Variants in BCAP29 observed in about 807,000 individuals in gnomAD.
BCAP29 encodes B-cell receptor-associated protein 29.
In BCAP29, 34 loss-of-function variants were observed where a neutral mutation model predicts 31.8. The observed-to-expected ratio is 1.07, with a 90% confidence interval of 0.81 to 1.42. The LOEUF (loss-of-function observed/expected upper bound fraction) is 1.42, where lower values mean the gene tolerates loss of function less well. BCAP29 is among the 40% of genes most tolerant of loss of function. BCAP29 has a pLI of 0.00. For missense variants in BCAP29, 314 were observed against 269.2 expected, an observed-to-expected ratio of 1.17 and a Z score of -1.16; for synonymous variants, 104 against 91.3, an observed-to-expected ratio of 1.14 and a Z score of -0.79.
intron 5 of BCAP29, among the ~76,000 whole-genome samples, chr7:107,599,220 T>C (rs1585133051): frequency 6.5e-5 from 1 of 15,408 alleles, no homozygotes; most frequent in Non-Finnish European, 1.2e-4. Flanking sequence ...AATATATATA[T>C]ACATAATTAT....
chr7:107,619,577 T>G lies in BCAP29; in HGVS notation c.*1214T>G, dbSNP rs1814729934. On this transcript the variant is annotated 3_prime_UTR_variant, in exon 8 of 8. Coordinates refer to ENST00000005259, the MANE Select transcript of BCAP29 (RefSeq NM_018844.4). ...TGAGCAAGTACCTAAAAATTTTATT[T>G]CAGATAAAAGTCAGGAGTTACTGCT... is the stretch of plus-strand genomic sequence containing the variant. The G allele has an allele frequency of 6.6e-6, 1 of 152,130 alleles. No homozygotes were observed. Among genetic ancestry groups the G allele is most frequent in the African/African-American group, 2.4e-5 (1 of 41,428 alleles). 9.4% of individuals were successfully genotyped at this position (152,130 alleles called of 1,614,324 possible).
At chr7:107,600,999 AT>A (rs1178850745) in intron 6 of BCAP29, among the ~76,000 whole-genome samples, 1 of 152,208 alleles carries the variant, frequency 6.6e-6, no homozygotes, top group Non-Finnish European at 1.5e-5. Flanking sequence ...TCAGCTAAGA[AT>A]TTGAGTGCCT....
At chr7:107,586,914 G>A (rs10257321) in intron 3 of BCAP29, among the ~76,000 whole-genome samples, 1 of 151,598 alleles carries the variant, frequency 6.6e-6, no homozygotes, top group South Asian at 2.1e-4. Context: ...TTTTTTAATA[G>A]AGACAGGGTT....
chr7:107,583,859 A>G lies in BCAP29; in HGVS notation c.93-23A>G, dbSNP rs1489558504. On this transcript the variant is annotated intron_variant, in intron 2 of 7. Coordinates refer to ENST00000005259, the MANE Select transcript of BCAP29 (RefSeq NM_018844.4). The stretch of plus-strand genomic sequence containing the variant: ...ACTTTATTTTAGTTTTTTTATACCT[A>G]ATATAATTGTATTGCTTTACAGATG... 3.1e-6 allele frequency: 4 copies of G among 1,274,008 alleles called. No individual in the cohort carries two copies. The South Asian group carries it at 5.8e-5, about 19-fold the overall frequency. 78.9% of individuals were successfully genotyped at this position (1,274,008 alleles called of 1,614,324 possible).
chr7:107,582,363 G>A (rs1056372893), intron 2 of BCAP29, among the ~76,000 whole-genome samples: 17 of 152,128 alleles, frequency 1.1e-4, no homozygotes, highest in Admixed American at 2.0e-4. Context: ...AAGAAAATAC[G>A]GTATGTATGC....
intron 1 of BCAP29, chr7:107,580,535 T>C (rs1221887824): frequency 2.7e-5 from 12 of 450,024 alleles, no homozygotes; most frequent in Middle Eastern, 5.7e-4. Context: ...GAAAAGGCAG[T>C]GGCCAGCGAG....
rs751847175 is a variant in BCAP29, at chr7:107,583,971, T to C, written c.182T>C (p.Val61Ala). 9 of 1,560,162 alleles carry C rather than the reference T, an allele frequency of 5.8e-6. No homozygotes were observed. The East Asian group carries it at 1.8e-4, about 32-fold the overall frequency. ...CTTACCATTATCATCCTATTGATTG[T>C]TCTATTTCTAGGTAAGTACTAGATC... is the stretch of plus-strand genomic sequence containing the variant. ...AFLTIIILLI[V>A]LFLDAVREVR... The change falls in exon 3 of 8, where the codon GTT becomes GCT. Residue 61 changes from valine (V) to alanine (A), a missense_variant. Coordinates refer to ENST00000005259, the MANE Select transcript of BCAP29 (RefSeq NM_018844.4).
At chr7:107,581,091 CT>C (rs1288438582) in intron 2 of BCAP29, among the ~76,000 whole-genome samples, 2 of 152,272 alleles carry the variant, frequency 1.3e-5, no homozygotes, top group East Asian at 3.9e-4. Flanking sequence ...GGCGCCTATA[CT>C]TTTGATTCTG....
chr7:107,597,515 A>G (rs1810078029), intron 5 of BCAP29, among the ~76,000 whole-genome samples: 2 of 152,212 alleles, frequency 1.3e-5, no homozygotes, highest in Admixed American at 1.3e-4. Flanking sequence ...TTCCTTAGCT[A>G]TAAATAATAG....
intron 6 of BCAP29, chr7:107,603,549 T>C (rs991841501): frequency 6.6e-6 from 1 of 151,678 alleles, no homozygotes; most frequent in Non-Finnish European, 1.5e-5. Flanking sequence ...TTCTTGACCA[T>C]GCCTTTCTTC....
chr7:107,599,585 G>A (rs929871250), intron 5 of BCAP29, among the ~76,000 whole-genome samples: 2 of 149,288 alleles, frequency 1.3e-5, no homozygotes, highest in Non-Finnish European at 3.0e-5. Context: ...ACCCACAACA[G>A]TATACATATT....
At chr7:107,617,771 A>G (rs1014087132) in intron 7 of BCAP29, among the ~76,000 whole-genome samples, 3 of 152,350 alleles carry the variant, frequency 2.0e-5, no homozygotes, top group East Asian at 1.9e-4. Flanking sequence ...TATACAAGCA[A>G]TAACACTCTG....
At chr7:107,586,969 G>A (rs1585053838) in intron 3 of BCAP29, among the ~76,000 whole-genome samples, 1 of 151,870 alleles carries the variant, frequency 6.6e-6, no homozygotes. Context: ...AGCTCAAAGC[G>A]ATCCGCCCAC....
At chr7:107,599,280 A>ATAT (rs1490189097) in intron 5 of BCAP29, among the ~76,000 whole-genome samples, 3 of 116,156 alleles carry the variant, frequency 2.6e-5, no homozygotes, top group African/African-American at 1.1e-4. Flanking sequence ...ATTTATATAT[A>ATAT]ATTTTTATAT....
Position 107,613,338 on chromosome 7 carries a change from C to T in BCAP29, c.596C>T (p.Ser199Phe), listed in dbSNP as rs1285214940. The T allele has an allele frequency of 6.2e-7, 1 of 1,604,628 alleles. No homozygotes were observed. The highest frequency in any genetic ancestry group is 8.5e-7 in the Non-Finnish European group (1 of 1,173,952). The change falls in exon 7 of 8, where the codon TCT becomes TTT. Residue 199 changes from serine (S) to phenylalanine (F), a missense_variant. Ser to Phe is a radical substitution (Grantham distance 155). Coordinates refer to ENST00000005259, the MANE Select transcript of BCAP29 (RefSeq NM_018844.4). ...ACTATTCGATATTTTCTAGCCCTTTCTAAGGCACAAAATGATGTGATGGAA... is the reference window on the plus strand; with the variant it reads ...ACTATTCGATATTTTCTAGCCCTTTTTAAGGCACAAAATGATGTGATGGAA... ...TELRKTSDAL[S>F]KAQNDVMEMK...
intron 5 of BCAP29, among the ~76,000 whole-genome samples, chr7:107,599,789 A>T (rs1320468984): frequency 6.6e-6 from 1 of 152,158 alleles, no homozygotes; most frequent in Non-Finnish European, 1.5e-5. Flanking sequence ...CCTAGAAAAG[A>T]TAAGCTACAA....
intron 6 of BCAP29, among the ~76,000 whole-genome samples, chr7:107,601,470 A>G (rs1031075351): frequency 6.6e-6 from 1 of 152,218 alleles, no homozygotes; most frequent in Non-Finnish European, 1.5e-5. Context: ...TATTATTTCA[A>G]GTGAAAAAAA....
chr7:107,616,807 C>T (rs150839009), intron 7 of BCAP29, among the ~76,000 whole-genome samples: 1 of 152,222 alleles, frequency 6.6e-6, no homozygotes, highest in Non-Finnish European at 1.5e-5. Context: ...GGCACAATCT[C>T]AGCTCGCTGC....
chr7:107,620,732 C>G (rs1024804803), downstream of BCAP29: 2 of 152,208 alleles, frequency 1.3e-5, no homozygotes, highest in Non-Finnish European at 2.9e-5. Flanking sequence ...TTGTCCAGCT[C>G]TATCTTGGAC....
Sources: gnomAD v4.1 joint callset for allele counts (sites outside exome capture counted in the v4.1 genomes callset) on GRCh38, gnomAD v4.1.1 for gene constraint, MANE v1.5 for transcripts, NCBI Gene and HGNC (gene_info 2026-07-23, HGNC 2026-07-21) for gene names.